CYP4V2: variants seen among roughly 807,000 people sequenced by gnomAD.
CYP4V2 encodes cytochrome P450 4V2.
In CYP4V2, 55 loss-of-function variants were observed where a neutral mutation model predicts 60.8. The observed-to-expected ratio is 0.90, with a 90% CI of 0.73 to 1.13. The LOEUF (loss-of-function observed/expected upper bound fraction) is 1.13. Among genes scored for constraint, CYP4V2 ranks in the 50% most tolerant of loss-of-function variants. CYP4V2 has a pLI of 0.00. For synonymous variants in CYP4V2, 239 were observed against 236.8 expected (o/e 1.01, Z -0.08); for missense variants, 675 against 662.9 (o/e 1.02, Z -0.20).
At position 186,196,009 on chromosome 4, in the gene CYP4V2, T is replaced by G. The variant is rs1474764060; in HGVS notation, c.334T>G (p.Leu112Val). 6.2e-7 allele frequency: 1 copy of G among 1,612,372 alleles called. No individual in the cohort carries two copies. The highest frequency in any genetic ancestry group is 1.7e-5 in the Admixed American group (1 of 60,020). Reference sequence around the variant, plus strand: ...ATGTTTTTCTCTTCCTAAGGTAATTTTAACTAGTTCAAAGCAAATTGACAA... The same window carrying G: ...ATGTTTTTCTCTTCCTAAGGTAATTGTAACTAGTTCAAAGCAAATTGACAA... Reference protein sequence around the residue: ...LYNAENVEVILTSSKQIDKSS... With the variant: ...LYNAENVEVIVTSSKQIDKSS... The change falls in exon 3 of 11, where the codon TTA becomes GTA. Residue 112 changes from leucine to valine, a missense_variant. Transcript: ENST00000378802.
At position 186,205,188 on chromosome 4, in the gene CYP4V2, C is replaced by G; in HGVS notation, c.988-12C>G. On this transcript the variant is annotated splice_polypyrimidine_tract_variant and intron_variant, in intron 7 of 10. Transcript: ENST00000378802. ...ACTCTGCTTTTTAAGCTATTGTTTT[C>G]TGCATTTGTAGGGGCACGATACAAC... 6.2e-7 allele frequency: 1 copy of G among 1,613,776 alleles called. No individual in the cohort carries two copies. Among genetic ancestry groups the G allele is most frequent in the Non-Finnish European group, 8.5e-7 (1 of 1,179,610 alleles).
chr4:186,196,541 A>G, intron 3 of CYP4V2: 1 of 288,234 alleles, frequency 3.5e-6, no homozygotes, highest in Non-Finnish European at 6.5e-6. Context: ...GGGACTTTGG[A>G]GAACTGGAGA....
chr4:186,191,932 G>T lies in CYP4V2; in HGVS notation c.109G>T (p.Val37Leu). 4 of 1,593,302 alleles carry T rather than the reference G, an allele frequency of 2.5e-6. No individual in the cohort carries two copies. Among genetic ancestry groups the T allele is most frequent in the Non-Finnish European group, 3.4e-6 (4 of 1,173,078 alleles). The change falls in exon 1 of 11, where the codon GTG becomes TTG. Residue 37 changes from valine (V) to leucine (L), a missense_variant. Transcript: ENST00000378802. ...ASLVLSLLQRVASYARKWQQM... is the reference protein window; with the variant it reads ...ASLVLSLLQRLASYARKWQQM... ...TCTGGTCCTGAGCCTGCTGCAGAGG[G>T]TGGCGAGCTACGCGCGGAAATGGCA... is the stretch of plus-strand genomic sequence containing the variant.
rs200291603 is a variant in CYP4V2, at chr4:186,210,620, G to C, written c.1557G>C (p.Arg519Ser). 1 of 1,614,096 alleles carries C rather than the reference G, an allele frequency of 6.2e-7. No individual in the cohort carries two copies. The highest frequency in any genetic ancestry group is 1.7e-5 in the Admixed American group (1 of 60,024). The change falls in exon 11 of 11, where the codon AGG becomes AGC. Residue 519 changes from arginine to serine, a missense_variant. Physicochemically the swap from Arg to Ser is moderately radical, Grantham distance 110. Transcript: ENST00000378802. Reference sequence around the variant, plus strand: ...ATGGCATCTGGATCAAGTTGAAGAGGAGAAATGCAGATGAACGCTAACTAT... The same window carrying C: ...ATGGCATCTGGATCAAGTTGAAGAGCAGAAATGCAGATGAACGCTAACTAT... The part of the protein sequence containing the change: ...PSNGIWIKLK[R>S]RNADER
intron 5 of CYP4V2, 111 bp downstream of exon 5, chr4:186,197,713 A>T (rs1736195375): frequency 1.7e-6 from 2 of 1,153,256 alleles, no homozygotes; most frequent in African/African-American, 1.5e-5. Context: ...ATTAAACATT[A>T]AACTAGAAGT....
At position 186,207,086 on chromosome 4, in the gene CYP4V2, C is replaced by G. The variant is rs1259447535; in HGVS notation, c.1091-1779C>G. ...TTCTGCTCATTGTGCCTCACTTTTT[C>G]TTCTACCCCCAATCCTAGTTCTAGA... On this transcript the variant is annotated intron_variant, in intron 8 of 10. Transcript: ENST00000378802. 2.0e-4 allele frequency among the ~76,000 whole-genome samples: 31 copies of G among 151,990 alleles called. 1 individual carries two copies.
chr4:186,199,614 C>T (rs1736252105), intron 6 of CYP4V2, among the ~76,000 whole-genome samples: 1 of 152,154 alleles, frequency 6.6e-6, no homozygotes, highest in Admixed American at 6.5e-5. Context: ...TAGGAGTTTT[C>T]TGGAAAATGT....
chr4:186,210,838 TA>T lies in CYP4V2; in HGVS notation c.*198del. The T allele has an allele frequency of 4.5e-6, 3 of 671,464 alleles. No homozygotes were observed. Among genetic ancestry groups the T allele is most frequent in the South Asian group, 4.0e-5 (2 of 49,856 alleles). The allele number at this position is 671,464 out of a possible 1,614,324, so 41.6% of individuals were successfully genotyped here. ...TGTATTTTCTTTTTTCTTTTTTCTT[TA>T]TTTTTTTTTTTTGAAACCGTGTCTC... On this transcript the variant is annotated 3_prime_UTR_variant, in exon 11 of 11. Transcript: ENST00000378802.
intron 8 of CYP4V2, among the ~76,000 whole-genome samples, chr4:186,206,708 T>A (rs1736517520): frequency 6.6e-6 from 1 of 152,192 alleles, no homozygotes; most frequent in Non-Finnish European, 1.5e-5. Flanking sequence ...AACTCATCTC[T>A]CATTCACTGG....
intron 6 of CYP4V2, among the ~76,000 whole-genome samples, chr4:186,199,440 T>C (rs953100213): frequency 2.0e-5 from 3 of 152,218 alleles, no homozygotes; most frequent in African/African-American, 7.2e-5. Flanking sequence ...GTTGGAAATG[T>C]AGTAATGAGT....
intron 7 of CYP4V2, 155 bp downstream of exon 7, chr4:186,201,497 ATT>A: frequency 1.1e-6 from 1 of 870,538 alleles, no homozygotes; most frequent in East Asian, 2.7e-5. Flanking sequence ...TAAGAAACTG[ATT>A]AAGTACCAGC....
intron 3 of CYP4V2, 37 bp downstream of exon 3, chr4:186,196,125 A>G (rs757602094): frequency 6.5e-7 from 1 of 1,536,900 alleles, no homozygotes; most frequent in South Asian, 1.1e-5. Flanking sequence ...GTCTATAGAA[A>G]TGGTTACTTC....
intron 5 of CYP4V2, among the ~76,000 whole-genome samples, chr4:186,198,434 G>A (rs936112096): frequency 2.6e-5 from 4 of 152,222 alleles, no homozygotes; most frequent in Non-Finnish European, 5.9e-5. Flanking sequence ...TGAAGAACCG[G>A]CACCTAAGCT....
intron 7 of CYP4V2, chr4:186,202,790 A>G (rs532713587): frequency 2.0e-5 from 3 of 150,504 alleles, no homozygotes; most frequent in African/African-American, 7.3e-5. Context: ...CCACATGCGC[A>G]CACACGTGCA....
At chr4:186,206,116 T>C (rs1288300408) in intron 8 of CYP4V2, among the ~76,000 whole-genome samples, 1 of 152,228 alleles carries the variant, frequency 6.6e-6, no homozygotes, top group Non-Finnish European at 1.5e-5. Flanking sequence ...CAGCATTTCT[T>C]GGCTGACAGC....
intron 8 of CYP4V2, among the ~76,000 whole-genome samples, chr4:186,208,404 G>A (rs899638283): frequency 6.0e-5 from 9 of 150,568 alleles, no homozygotes; most frequent in African/African-American, 2.2e-4. Flanking sequence ...TGATCCAAGT[G>A]TTCTTCTTTG....
rs1736289306 is a variant in CYP4V2, at chr4:186,201,008, G to A, written c.802-149G>A. 3.7e-6 allele frequency: 3 copies of A among 802,216 alleles called. No homozygotes were observed. In the South Asian group the frequency reaches 5.3e-5, roughly 14 times the overall value. The allele number at this position is 802,216 out of a possible 1,614,324, so 49.7% of individuals were successfully genotyped here. ...CCCAAAATATTAATGAGGCTTTACT[G>A]TATTTTCACAAGAGCCTATGTTGTC... is the stretch of plus-strand genomic sequence containing the variant. On this transcript the variant is annotated intron_variant, in intron 6 of 10. Coordinates refer to ENST00000378802, the MANE Select transcript of CYP4V2 (RefSeq NM_207352.4).
chr4:186,194,704 GC>G, intron 2 of CYP4V2, 92 bp downstream of exon 2: 1 of 1,192,056 alleles, frequency 8.4e-7, no homozygotes, highest in Non-Finnish European at 1.2e-6. Context: ...TTATATTTCA[GC>G]CATTTCAGCA....
intron 6 of CYP4V2, 106 bp downstream of exon 6, chr4:186,199,189 G>T: frequency 1.7e-6 from 2 of 1,210,004 alleles, no homozygotes; most frequent in African/African-American, 1.5e-5. Context: ...CATTCACGAT[G>T]TTGTGCAACC....
Sources: allele counts gnomAD v4.1 joint callset (sites outside exome capture counted in the v4.1 genomes callset), GRCh38; gene constraint gnomAD v4.1.1; transcripts MANE v1.5; gene names NCBI Gene and HGNC (gene_info 2026-07-23, HGNC 2026-07-21).